Variants in PIEZO1 observed in about 807,000 individuals in gnomAD.
PIEZO1 encodes piezo type mechanosensitive ion channel component 1 (Er blood group), also known as piezo-type mechanosensitive ion channel component 1.
Under a neutral mutation model 297.2 loss-of-function variants are expected in PIEZO1, and 296 were observed. The observed-to-expected ratio is 1.00, with a 90% CI of 0.91 to 1.10. PIEZO1 has a LOEUF of 1.10. Ranked by LOEUF, PIEZO1 falls within the 50% of genes least tolerant of loss-of-function variation. PIEZO1 has a pLI of 0.00. For synonymous variants in PIEZO1, 2,427 were observed against 1,507.5 expected (o/e 1.61, Z -14.13); for missense variants, 5,018 against 3,455.5 (o/e 1.45, Z -11.34).
chr16:88,770,499 C>T (rs142057792), intron 1 of PIEZO1, among the ~76,000 whole-genome samples: 1 of 152,318 alleles, frequency 6.6e-6, no homozygotes, highest in Non-Finnish European at 1.5e-5. Context: ...CTGAGCAGGG[C>T]GTTCTCCTCA....
At chr16:88,745,683 A>C (rs545668150) in intron 2 of PIEZO1, 3 of 134,288 alleles carry the variant, frequency 2.2e-5, no homozygotes, top group Admixed American at 8.2e-5. Flanking sequence ...CAGGAGGCGG[A>C]GGTTGCAGTG....
In PIEZO1 at chr16:88,723,938, G is replaced by T; in HGVS notation, c.4268C>A (p.Ser1423Tyr). The change falls in exon 31 of 51, where the codon TCC becomes TAC. Residue 1423 changes from serine to tyrosine, a missense_variant. Physicochemically the swap from Ser to Tyr is moderately radical, Grantham distance 144 (BLOSUM62 -2). Transcript: ENST00000301015. ...AGCCTCCTCCTCTTCCTCACTGTCG[G>T]ACTCAAACAGGAAGTAGTCCCCGGA... Reference protein sequence around the residue: ...IHSGDYFLFESDSEEEEEAVP... With the variant: ...IHSGDYFLFEYDSEEEEEAVP... 6.5e-7 allele frequency: 1 copy of T among 1,549,518 alleles called. No individual in the cohort carries two copies. Among genetic ancestry groups the T allele is most frequent in the South Asian group, 1.2e-5 (1 of 84,042 alleles).
At position 88,721,135 on chromosome 16, in the gene PIEZO1, G is replaced by A. The variant is rs566014450; in HGVS notation, c.5668+31C>T. 1,628 of 1,462,268 alleles carry A rather than the reference G, an allele frequency of 1.1e-3. 1 individual carries two copies. The highest frequency in any genetic ancestry group is 1.4e-3 in the Non-Finnish European group (1,528 of 1,107,292). The allele number at this position is 1,462,268 out of a possible 1,614,324, so 90.6% of individuals were successfully genotyped here. Reference sequence around the variant, plus strand: ...GTAGCCCCACTCAGAAAACTGGGTAGGCAGGAGGTTGTGAGGCAGGGCGCT... The same window carrying A: ...GTAGCCCCACTCAGAAAACTGGGTAAGCAGGAGGTTGTGAGGCAGGGCGCT... On this transcript the variant is annotated intron_variant, in intron 39 of 50. Coordinates refer to ENST00000301015, the MANE Select transcript of PIEZO1 (RefSeq NM_001142864.4).
intron 1 of PIEZO1, among the ~76,000 whole-genome samples, chr16:88,784,641 C>T (rs1465276766): frequency 6.6e-6 from 1 of 151,842 alleles, no homozygotes; most frequent in East Asian, 1.9e-4. Flanking sequence ...CCGGCGCTCG[C>T]TCGACCGCCC....
rs567292015 is a variant in PIEZO1, at chr16:88,732,111, AG to A, written c.2992-202del. Among the ~76,000 whole-genome samples the A allele has an allele frequency of 4.5e-3, 684 of 151,966 alleles. 3 individuals are homozygous for A. The highest frequency in any genetic ancestry group is 7.2e-3 in the Admixed American group (110 of 15,270). ...GTGCAGGGGAAACTGAGGCTCCAGG[AG>A]GTGGGCTGTACAGTAGAGCAGATCT... On this transcript the variant is annotated intron_variant, in intron 21 of 50. Transcript: ENST00000301015.
chr16:88,733,478 C>A (rs1905008246), intron 18 of PIEZO1, 24 bp from the exon 19 acceptor site: 3 of 1,540,568 alleles, frequency 1.9e-6, no homozygotes, highest in South Asian at 1.2e-5. Context: ...GCACGTGGGG[C>A]TGGGCTTGGG....
At chr16:88,763,399 C>T (rs1219671490) in intron 1 of PIEZO1, among the ~76,000 whole-genome samples, 2 of 152,196 alleles carry the variant, frequency 1.3e-5, no homozygotes, top group Non-Finnish European at 2.9e-5. Context: ...TAGCAGTGGG[C>T]CAGGTATGGT....
rs767396309 is a variant in PIEZO1, at chr16:88,726,328, C to T, written c.3924G>A (p.Leu1308=). 11 of 1,550,374 alleles carry T rather than the reference C, an allele frequency of 7.1e-6. No homozygotes were observed. The highest frequency in any genetic ancestry group is 9.6e-6 in the Non-Finnish European group (11 of 1,146,932). The change falls in exon 27 of 51, where the codon CTG becomes CTA. Residue 1308 remains leucine (L), a synonymous_variant. Coordinates refer to ENST00000301015, the MANE Select transcript of PIEZO1 (RefSeq NM_001142864.4). ...QRRVFLSHYY[L]HVRADLQATA... The stretch of plus-strand genomic sequence containing the variant: ...TGGCCTGGAGGTCGGCCCTGACGTG[C>T]AGGTAGTAATGGCTAAGGAAGACGC...
chr16:88,784,877 C>A, intron 1 of PIEZO1, 24 bp downstream of exon 1: 2 of 1,425,832 alleles, frequency 1.4e-6, no homozygotes, highest in Non-Finnish European at 1.8e-6. Flanking sequence ...TCCCGTCGCC[C>A]CCAGGCGCCC....
intron 22 of PIEZO1, 178 bp downstream of exon 22, chr16:88,731,528 C>T (rs923884726): frequency 1.9e-4 from 113 of 592,438 alleles, no homozygotes; most frequent in South Asian, 9.5e-4. Context: ...AGGCCGCCCC[C>T]GAGAGACAGG....
intron 1 of PIEZO1, among the ~76,000 whole-genome samples, chr16:88,763,952 G>C (rs932875592): frequency 1.3e-5 from 2 of 152,194 alleles, no homozygotes; most frequent in East Asian, 1.9e-4. Context: ...CGGCACGCAG[G>C]GGGTCAGGTG....
intron 12 of PIEZO1, 39 bp from the exon 13 acceptor site, chr16:88,735,285 C>T: frequency 1.1e-5 from 16 of 1,403,310 alleles, no homozygotes; most frequent in Non-Finnish European, 1.6e-5. Flanking sequence ...GCCGGGGGGC[C>T]CAGCACCCCT....
intron 1 of PIEZO1, among the ~76,000 whole-genome samples, chr16:88,750,521 G>A (rs1433463654): frequency 2.0e-5 from 3 of 152,186 alleles, no homozygotes; most frequent in Admixed American, 2.0e-4. Context: ...AAGGTCCCGG[G>A]GCCTGGCCTC....
Position 88,738,208 on chromosome 16 carries a change from C to A in PIEZO1, c.848+19G>T. The stretch of plus-strand genomic sequence containing the variant: ...GGACCAGGGTGGCAGGAAAAAGGGG[C>A]TGTGTGGCAAGCCGTTACCTAGCCC... On this transcript the variant is annotated intron_variant, in intron 7 of 50. Transcript: ENST00000301015. The A allele has an allele frequency of 6.5e-7, 1 of 1,534,822 alleles. No homozygotes were observed. The highest frequency in any genetic ancestry group is 8.7e-7 in the Non-Finnish European group (1 of 1,145,986).
At chr16:88,767,282 G>A (rs1304276819) in intron 1 of PIEZO1, among the ~76,000 whole-genome samples, 1 of 152,182 alleles carries the variant, frequency 6.6e-6, no homozygotes, top group Non-Finnish European at 1.5e-5. Context: ...TCCCTGGCCT[G>A]TGGCTGTGCT....
Position 88,726,151 on chromosome 16 carries a change from G to A in PIEZO1, c.3968+133C>T. 3 of 716,168 alleles carry A rather than the reference G, an allele frequency of 4.2e-6. No individual in the cohort carries two copies. The South Asian group carries it at 5.7e-5, about 13-fold the overall frequency. 44.4% of individuals were successfully genotyped at this position (716,168 alleles called of 1,614,324 possible). On this transcript the variant is annotated intron_variant, in intron 27 of 50. Transcript: ENST00000301015. ...TCTGCCGGCCTTCATTCTCCCTCTA[G>A]ATGACACGCCCATGTCACAGAGTGG...
At chr16:88,725,713 C>T (rs556786860) in intron 27 of PIEZO1, 29 bp from the exon 28 acceptor site, 40 of 1,215,338 alleles carry the variant, frequency 3.3e-5, no homozygotes, top group African/African-American at 3.0e-4. Context: ...GGGGTGTGAG[C>T]ACCAGGCACT....
At position 88,733,464 on chromosome 16, in the gene PIEZO1, G is replaced by C; in HGVS notation, c.2488-10C>G. ...GGTTCATCACCGACACCTGAGGGCAGTGGGCACGTGGGGCTGGGCTTGGGG... is the reference window on the plus strand; with the variant it reads ...GGTTCATCACCGACACCTGAGGGCACTGGGCACGTGGGGCTGGGCTTGGGG... On this transcript the variant is annotated splice_polypyrimidine_tract_variant and intron_variant, in intron 18 of 50. Transcript: ENST00000301015. 3 of 1,543,684 alleles carry C rather than the reference G, an allele frequency of 1.9e-6. No individual in the cohort carries two copies. The highest frequency in any genetic ancestry group is 2.6e-6 in the Non-Finnish European group (3 of 1,141,670).
chr16:88,738,181 C>T (rs1279478246), intron 7 of PIEZO1, 46 bp downstream of exon 7: 12 of 1,533,228 alleles, frequency 7.8e-6, no homozygotes, highest in Admixed American at 2.0e-5. Context: ...GCCAGGTGGG[C>T]GGGACCAGGG....
Sources: allele counts gnomAD v4.1 joint callset (sites outside exome capture counted in the v4.1 genomes callset), GRCh38; gene constraint gnomAD v4.1.1; transcripts MANE v1.5; gene names NCBI Gene and HGNC (gene_info 2026-07-23, HGNC 2026-07-21).